The following HNRNPLL variants were observed in gnomAD, a reference collection of about 807,000 sequenced individuals.
The protein encoded by HNRNPLL is heterogeneous nuclear ribonucleoprotein L like, also known as heterogeneous nuclear ribonucleoprotein L-like.
A neutral mutation model predicts 67.1 loss-of-function variants in HNRNPLL; 25 were observed. The ratio of observed to expected loss-of-function variants is 0.37; its 90% CI spans 0.27 to 0.52. The LOEUF is 0.52. Among genes scored for constraint, HNRNPLL ranks in the 20% least tolerant of loss-of-function variants. HNRNPLL has a pLI of 0.90. For synonymous variants in HNRNPLL, 267 were observed against 241.7 expected (o/e 1.10, Z -0.97); for missense variants, 542 against 673.9 (o/e 0.80, Z 2.17).
intron 7 of HNRNPLL, among the ~76,000 whole-genome samples, chr2:38,576,545 A>G (rs1185812563): frequency 6.6e-6 from 1 of 151,826 alleles, no homozygotes; most frequent in East Asian, 1.9e-4. Context: ...GAAGACACAC[A>G]CACACACATA....
At chr2:38,564,297 AGTATC>A in intron 12 of HNRNPLL, 60 bp from the exon 13 acceptor site, 3 of 882,532 alleles carry the variant, frequency 3.4e-6, no homozygotes, top group Non-Finnish European at 5.7e-6. Context: ...ATCACCTTGA[AGTATC>A]AGAGTAAATT....
intron 1 of HNRNPLL, among the ~76,000 whole-genome samples, chr2:38,597,126 G>A (rs1236848766): frequency 1.3e-5 from 2 of 152,154 alleles, no homozygotes; most frequent in Non-Finnish European, 2.9e-5. Context: ...AAACTCTACT[G>A]AAGAGAAGAA....
At chr2:38,583,523 G>A (rs1428072788) in intron 4 of HNRNPLL, among the ~76,000 whole-genome samples, 2 of 152,084 alleles carry the variant, frequency 1.3e-5, no homozygotes, top group Admixed American at 1.3e-4. Context: ...TAAAGTTTTG[G>A]TACTTCCAAA....
intron 2 of HNRNPLL, among the ~76,000 whole-genome samples, chr2:38,590,766 G>A (rs1157679889): frequency 6.6e-6 from 1 of 152,142 alleles, no homozygotes; most frequent in Non-Finnish European, 1.5e-5. Context: ...CAGCACTTCT[G>A]GAGGCTGAGG....
At chr2:38,579,441 TTAA>T (rs898868883) in intron 6 of HNRNPLL, among the ~76,000 whole-genome samples, 1 of 151,726 alleles carries the variant, frequency 6.6e-6, no homozygotes. Flanking sequence ...AATTAAAAAA[TTAA>T]TAATAATTCA....
chr2:38,566,059 T>G, intron 12 of HNRNPLL: 1 of 987,922 alleles, frequency 1.0e-6, no homozygotes. Flanking sequence ...AGGATCAAAG[T>G]AAATTACACA....
chr2:38,573,266 T>C lies in HNRNPLL; in HGVS notation c.1036A>G (p.Lys346Glu). Residue 346 changes from lysine (K) to glutamate (E), a missense_variant, in exon 8 of 13, where the codon AAA (lysine) becomes GAA (glutamate). Physicochemically the swap from Lys to Glu is moderately conservative, Grantham distance 56. Around this residue, in one of 2 missense-constraint regions of HNRNPLL, gnomAD observed 415 missense variants for 575.2 expected, o/e 0.72. Transcript: ENST00000449105. ...TTGAAGACTCTTGAACAATTCATTT[T>C]TAGTTGATGTAATCCACTAACCATT... ...VVMVSGLHQL[K>E]MNCSRVFNLF... 6.2e-7 allele frequency: 1 copy of C among 1,611,022 alleles called. No individual in the cohort carries two copies. The highest frequency in any genetic ancestry group is 2.2e-5 in the East Asian group (1 of 44,800).
At chr2:38,567,347 C>G (rs964199114) in intron 12 of HNRNPLL, among the ~76,000 whole-genome samples, 10 of 152,076 alleles carry the variant, frequency 6.6e-5, no homozygotes, top group Non-Finnish European at 1.5e-4. Flanking sequence ...AACTCCTGAC[C>G]TCAGACGATC....
intron 9 of HNRNPLL, 90 bp from the exon 10 acceptor site, chr2:38,569,424 T>A (rs931997506): frequency 5.4e-6 from 5 of 926,744 alleles, no homozygotes; most frequent in African/African-American, 1.7e-5. Flanking sequence ...TTTGCTTGCA[T>A]AAATCTTAAC....
chr2:38,602,791 A>C lies in HNRNPLL; in HGVS notation c.-165T>G. ...CGCGGCCAGGAGACTGGCGGCTGAG[A>C]AGCGCGGACGGACTGAGGGGGGCGC... On this transcript the variant is annotated 5_prime_UTR_variant, in exon 1 of 13. Coordinates refer to ENST00000449105, the MANE Select transcript of HNRNPLL (RefSeq NM_138394.4). 1.3e-6 allele frequency: 2 copies of C among 1,534,524 alleles called. No individual in the cohort carries two copies. The highest frequency in any genetic ancestry group is 1.8e-6 in the Non-Finnish European group (2 of 1,140,254).
chr2:38,579,187 A>T (rs17493538), intron 6 of HNRNPLL, among the ~76,000 whole-genome samples: 1 of 152,060 alleles, frequency 6.6e-6, no homozygotes, highest in Non-Finnish European at 1.5e-5. Flanking sequence ...GACGATTCCA[A>T]CTTAAACCAC....
chr2:38,591,667 T>C lies in HNRNPLL; in HGVS notation c.190-19A>G. 1 of 1,560,584 alleles carries C rather than the reference T, an allele frequency of 6.4e-7. No homozygotes were observed. The highest frequency in any genetic ancestry group is 8.8e-7 in the Non-Finnish European group (1 of 1,132,146). On this transcript the variant is annotated intron_variant, in intron 1 of 12. Coordinates refer to ENST00000449105, the MANE Select transcript of HNRNPLL (RefSeq NM_138394.4). ...CTGCCTCCTAGCAAGAGAAAATAAT[T>C]TCTAGTTAAAAAAATTTTAAGTCTA... is the stretch of plus-strand genomic sequence containing the variant.
Position 38,594,823 on chromosome 2 carries a change from G to A in HNRNPLL, c.190-3175C>T, listed in dbSNP as rs189946419. On this transcript the variant is annotated intron_variant, in intron 1 of 12. Transcript: ENST00000449105. ...AAATGAGCTGGGCGTGGTGGTGCACGTCTGTAGCTACTCAGGAAGCTGAGG... is the reference window on the plus strand; with the variant it reads ...AAATGAGCTGGGCGTGGTGGTGCACATCTGTAGCTACTCAGGAAGCTGAGG... Among the ~76,000 whole-genome samples the A allele has an allele frequency of 6.8e-4, 103 of 152,070 alleles. 1 individual carries two copies. The highest frequency in any genetic ancestry group is 2.6e-3 in the Admixed American group (40 of 15,286).
At chr2:38,600,872 C>G (rs1667405242) in intron 1 of HNRNPLL, among the ~76,000 whole-genome samples, 1 of 152,140 alleles carries the variant, frequency 6.6e-6, no homozygotes, top group Non-Finnish European at 1.5e-5. Flanking sequence ...TATTTTCTTC[C>G]CAACATCCAA....
intron 7 of HNRNPLL, among the ~76,000 whole-genome samples, chr2:38,575,767 T>C (rs1027777621): frequency 3.3e-5 from 5 of 151,848 alleles, no homozygotes; most frequent in African/African-American, 4.8e-5. Flanking sequence ...AGCGCTGATC[T>C]GAAGGGATAC....
chr2:38,590,536 C>T (rs1336318413), intron 2 of HNRNPLL, among the ~76,000 whole-genome samples: 19 of 152,050 alleles, frequency 1.2e-4, no homozygotes, highest in Non-Finnish European at 2.1e-4. Flanking sequence ...GAACAACAGC[C>T]GGGCATACTC....
intron 8 of HNRNPLL, among the ~76,000 whole-genome samples, chr2:38,571,746 C>T (rs1666093204): frequency 6.6e-6 from 1 of 152,062 alleles, no homozygotes; most frequent in African/African-American, 2.4e-5. Context: ...ATATATGGAT[C>T]TTTAAAGGAT....
rs376986854 is a variant in HNRNPLL at position 38,563,229 on chromosome 2, GCTAT to G, written c.*949_*952del. The G allele has an allele frequency of 1.5e-3, 229 of 151,704 alleles. 1 individual carries two copies. The highest frequency in any genetic ancestry group is 5.1e-3 in the African/African-American group (212 of 41,462). The allele number at this position is 151,704 out of a possible 1,614,324, so 9.4% of individuals were successfully genotyped here. ...TTAATAAATGGTATTGAGACAAATAGCTATCTGTTTGGAATAAAAATAAAATTAG... is the reference window on the plus strand; with the variant it reads ...TTAATAAATGGTATTGAGACAAATAGCTGTTTGGAATAAAAATAAAATTAG... On this transcript the variant is annotated 3_prime_UTR_variant, in exon 13 of 13. Coordinates refer to ENST00000449105, the MANE Select transcript of HNRNPLL (RefSeq NM_138394.4).
At chr2:38,577,352 C>T (rs774372942) in intron 7 of HNRNPLL, 109 bp downstream of exon 7, 12 of 730,972 alleles carry the variant, frequency 1.6e-5, no homozygotes, top group African/African-American at 5.2e-5. Flanking sequence ...CCATATAAAC[C>T]GAGGCAGATA....
Sources: allele counts gnomAD v4.1 joint callset (sites outside exome capture counted in the v4.1 genomes callset), GRCh38; gene constraint gnomAD v4.1.1; regional missense constraint gnomAD v4.1.1; transcripts MANE v1.5; gene names NCBI Gene and HGNC (gene_info 2026-07-23, HGNC 2026-07-21).